Variants in MPHOSPH9 observed in about 807,000 individuals in gnomAD.
MPHOSPH9 encodes the protein M-phase phosphoprotein 9.
A neutral mutation model predicts 145.5 loss-of-function variants in MPHOSPH9; 88 were observed. That is an observed-to-expected ratio of 0.60 (90% CI 0.51 to 0.72). The LOEUF is 0.72. Ranked by LOEUF, MPHOSPH9 falls within the 30% of genes least tolerant of loss-of-function variation. MPHOSPH9 has a pLI of 0.00. For missense variants in MPHOSPH9, 1,238 were observed against 1,386.6 expected (o/e 0.89, Z 1.70); for synonymous variants, 435 against 486.2 (o/e 0.89, Z 1.39).
intron 4 of MPHOSPH9, among the ~76,000 whole-genome samples, chr12:123,222,354 ATTGTT>A (rs905463295): frequency 2.1e-5 from 3 of 144,460 alleles, no homozygotes; most frequent in African/African-American, 7.8e-5. Flanking sequence ...GATATAACGT[ATTGTT>A]TTTTCTTACA....
chr12:123,221,265 T>C (rs1041615163), intron 5 of MPHOSPH9, 107 bp downstream of exon 5: 4 of 916,976 alleles, frequency 4.4e-6, no homozygotes, highest in Non-Finnish European at 1.6e-6. Context: ...CTACAGGCAA[T>C]GAACTGATAA....
chr12:123,194,088 G>C (rs1196671132), intron 13 of MPHOSPH9, among the ~76,000 whole-genome samples: 1 of 152,016 alleles, frequency 6.6e-6, no homozygotes, highest in African/African-American at 2.4e-5. Context: ...GGCCAACATG[G>C]GGAAACCCTG....
Position 123,156,858 on chromosome 12 carries a change from A to T in MPHOSPH9, c.3501T>A (p.Val1167=). The T allele has an allele frequency of 6.2e-7, 1 of 1,612,480 alleles. No homozygotes were observed. The highest frequency in any genetic ancestry group is 8.5e-7 in the Non-Finnish European group (1 of 1,178,736). Residue 1167 remains valine (V), a synonymous_variant, in exon 24 of 24, where the codon GTT becomes GTA. Coordinates refer to ENST00000606320, the MANE Select transcript of MPHOSPH9 (RefSeq NM_022782.4). ...LERINRELGS[V]RMTLKKFHVL... is the part of the protein sequence containing the mutation. Reference sequence around the variant, plus strand: ...CATGGAATTTCTTTAGCGTCATGCGAACTGAACCCAGTTCTCGATTAATCC... The same window carrying T: ...CATGGAATTTCTTTAGCGTCATGCGTACTGAACCCAGTTCTCGATTAATCC...
chr12:123,209,984 C>T, intron 8 of MPHOSPH9, 72 bp downstream of exon 8: 1 of 992,264 alleles, frequency 1.0e-6, no homozygotes, highest in Non-Finnish European at 1.5e-6. Context: ...GATCCGCCCA[C>T]CTCGGCCTCC....
intron 8 of MPHOSPH9, among the ~76,000 whole-genome samples, chr12:123,205,268 T>C (rs1407587934): frequency 1.3e-5 from 2 of 152,152 alleles, no homozygotes; most frequent in Admixed American, 6.5e-5. Flanking sequence ...CTTTAAAATA[T>C]ACTGTGGTGG....
chr12:123,239,688 T>C (rs1396751606), intron 1 of MPHOSPH9, among the ~76,000 whole-genome samples: 2 of 152,122 alleles, frequency 1.3e-5, no homozygotes, highest in Non-Finnish European at 2.9e-5. Context: ...AGGCGTGAGC[T>C]ACCGCGCCCA....
chr12:123,189,609 T>G (rs2045588159), intron 13 of MPHOSPH9, among the ~76,000 whole-genome samples: 1 of 152,068 alleles, frequency 6.6e-6, no homozygotes, highest in South Asian at 2.1e-4. Flanking sequence ...GTTAGGTGAA[T>G]CTCACAAGTG....
intron 3 of MPHOSPH9, among the ~76,000 whole-genome samples, chr12:123,225,380 G>A (rs10846486): frequency 0.64 from 95,863 of 148,860 alleles, 35,232 homozygotes; most frequent in East Asian, 1. Context: ...AGAGGTTGAA[G>A]GTACAGTGAA....
chr12:123,229,461 T>C (rs979949857), intron 2 of MPHOSPH9, among the ~76,000 whole-genome samples: 5 of 152,234 alleles, frequency 3.3e-5, no homozygotes, highest in Non-Finnish European at 5.9e-5. Flanking sequence ...ATAAAATGCA[T>C]AAAACACACT....
chr12:123,214,949 A>C, intron 6 of MPHOSPH9, 115 bp from the exon 7 acceptor site: 1 of 849,722 alleles, frequency 1.2e-6, no homozygotes, highest in Non-Finnish European at 1.9e-6. Context: ...AGAGGGTTCA[A>C]AGAAGAAAGC....
Position 123,164,019 on chromosome 12 carries a change from TTTGTCTCTG to T in MPHOSPH9, c.2830_2838del (p.Gln944_Gln946del). 1 of 1,614,158 alleles carries T rather than the reference TTTGTCTCTG, an allele frequency of 6.2e-7. No individual in the cohort carries two copies. Among genetic ancestry groups the T allele is most frequent in the Non-Finnish European group, 8.5e-7 (1 of 1,180,016 alleles). ...CTCTGTGAGGCCGAATTAAGTCTCT[TTTGTCTCTG>T]TTGGGCACACTTTTCTGGAGAACGA... On this transcript the variant is annotated inframe_deletion, in exon 19 of 24. Transcript: ENST00000606320.
At chr12:123,217,022 AAAG>A (rs2046998443) in intron 6 of MPHOSPH9, among the ~76,000 whole-genome samples, 1 of 151,814 alleles carries the variant, frequency 6.6e-6, no homozygotes, top group African/African-American at 2.4e-5. Context: ...TAAATAAATA[AAAG>A]AAATGTTTAA....
intron 13 of MPHOSPH9, among the ~76,000 whole-genome samples, chr12:123,193,483 G>A (rs897255600): frequency 6.6e-6 from 1 of 151,984 alleles, no homozygotes; most frequent in African/African-American, 2.4e-5. Context: ...CCTGAAAAAC[G>A]ATGTTAAGAA....
chr12:123,239,912 G>T (rs114567779), intron 1 of MPHOSPH9, among the ~76,000 whole-genome samples: 2,295 of 152,008 alleles, frequency 0.015, 64 homozygotes, highest in African/African-American at 0.052. Context: ...CACCTTCTCA[G>T]CCTTCACCAT....
chr12:123,168,341 CTT>C (rs1247136954), intron 16 of MPHOSPH9, among the ~76,000 whole-genome samples: 16 of 135,378 alleles, frequency 1.2e-4, no homozygotes, highest in Admixed American at 2.2e-4. Flanking sequence ...ACATGACTTT[CTT>C]TTTTTTTTTT....
chr12:123,233,327 C>T (rs2047755918), upstream of MPHOSPH9: 1 of 152,278 alleles, frequency 6.6e-6, no homozygotes, highest in South Asian at 2.1e-4. Flanking sequence ...CTGATTGGCT[C>T]TCTGGGAGCC....
intron 6 of MPHOSPH9, among the ~76,000 whole-genome samples, 176 bp downstream of exon 6, chr12:123,218,200 C>T (rs561529713): frequency 6.6e-6 from 1 of 152,126 alleles, no homozygotes; most frequent in East Asian, 1.9e-4. Flanking sequence ...TCATTGCACT[C>T]CAGTCTGGGC....
At chr12:123,207,412 A>C (rs2851446) in intron 8 of MPHOSPH9, among the ~76,000 whole-genome samples, 1 of 152,002 alleles carries the variant, frequency 6.6e-6, no homozygotes, top group Non-Finnish European at 1.5e-5. Flanking sequence ...TGAAGTACGG[A>C]ACATTGGTTT....
chr12:123,167,525 T>C (rs1396083076), intron 16 of MPHOSPH9, among the ~76,000 whole-genome samples: 3 of 152,168 alleles, frequency 2.0e-5, no homozygotes, highest in Non-Finnish European at 4.4e-5. Flanking sequence ...CTGTAACCAG[T>C]GGTCTTTGTT....
Sources: allele counts gnomAD v4.1 joint callset (sites outside exome capture counted in the v4.1 genomes callset), GRCh38; gene constraint gnomAD v4.1.1; transcripts MANE v1.5; gene names NCBI Gene and HGNC (gene_info 2026-07-23, HGNC 2026-07-21).